IL22RA1: variants seen among roughly 807,000 people sequenced by gnomAD.
IL22RA1 encodes the protein interleukin-22 receptor subunit alpha-1.
Under a neutral mutation model 32.8 loss-of-function variants are expected in IL22RA1, and 25 were observed. That is an observed-to-expected ratio of 0.76 (90% CI 0.55 to 1.06). IL22RA1 has a LOEUF of 1.06. Ranked by LOEUF, IL22RA1 falls within the 50% of genes least tolerant of loss-of-function variation. The pLI is 0.00. For synonymous variants in IL22RA1, 305 were observed against 305.0 expected (o/e 1.00, Z 0.00); for missense variants, 709 against 727.4 (o/e 0.97, Z 0.29).
chr1:24,123,025 T>A (rs1356570536), intron 6 of IL22RA1, among the ~76,000 whole-genome samples: 1 of 152,136 alleles, frequency 6.6e-6, no homozygotes, highest in Non-Finnish European at 1.5e-5. Context: ...CTCACTCAAG[T>A]CCCACACTAC....
intron 1 of IL22RA1, among the ~76,000 whole-genome samples, chr1:24,140,348 T>A (rs1351593934): frequency 6.6e-6 from 1 of 152,070 alleles, no homozygotes; most frequent in Non-Finnish European, 1.5e-5. Context: ...TATGTACATG[T>A]GTTGAGTCTG....
intron 5 of IL22RA1, among the ~76,000 whole-genome samples, chr1:24,125,976 A>G (rs1644158575): frequency 6.6e-6 from 1 of 152,198 alleles, no homozygotes; most frequent in African/African-American, 2.4e-5. Flanking sequence ...AAAAAATGGT[A>G]TCTCATTATA....
In IL22RA1 at chr1:24,120,647, T is replaced by C; in HGVS notation, c.*158A>G. ...TTTGCTCCGGTGAGGAGCGCACCCA[T>C]GGCAGGGGCCCTGCATGCCACTCCC... On this transcript the variant is annotated 3_prime_UTR_variant, in exon 7 of 7. Coordinates refer to ENST00000270800, the MANE Select transcript of IL22RA1 (RefSeq NM_021258.4). 1.5e-6 allele frequency: 1 copy of C among 686,476 alleles called. No individual in the cohort carries two copies. The highest frequency in any genetic ancestry group is 2.1e-5 in the South Asian group (1 of 46,742). The allele number at this position is 686,476 out of a possible 1,614,324, so 42.5% of individuals were successfully genotyped here.
At chr1:24,129,170 C>T (rs377386378) in intron 4 of IL22RA1, among the ~76,000 whole-genome samples, 3 of 152,360 alleles carry the variant, frequency 2.0e-5, no homozygotes, top group South Asian at 4.1e-4. Context: ...CTCCTCCTAC[C>T]TCTCTGACTG....
At chr1:24,128,401 C>G (rs758996710) in intron 4 of IL22RA1, 122 bp from the exon 5 acceptor site, 30 of 1,170,872 alleles carry the variant, frequency 2.6e-5, no homozygotes, top group Non-Finnish European at 3.6e-5. Flanking sequence ...TCTTCAGCCT[C>G]TGTTTCCATT....
Position 24,128,299 on chromosome 1 carries a change from G to C in IL22RA1, c.532-20C>G. ...AAGGTGCTGAATTGGACAGAGAATGGAATGTGATTCCTGTTACACACCGAT... is the reference window on the plus strand; with the variant it reads ...AAGGTGCTGAATTGGACAGAGAATGCAATGTGATTCCTGTTACACACCGAT... On this transcript the variant is annotated intron_variant, in intron 4 of 6. Transcript: ENST00000270800. The C allele has an allele frequency of 6.2e-7, 1 of 1,612,822 alleles. No individual in the cohort carries two copies. Among genetic ancestry groups the C allele is most frequent in the Non-Finnish European group, 8.5e-7 (1 of 1,179,428 alleles).
intron 4 of IL22RA1, among the ~76,000 whole-genome samples, chr1:24,130,080 A>G (rs1056925408): frequency 1.3e-5 from 2 of 152,252 alleles, no homozygotes; most frequent in Non-Finnish European, 2.9e-5. Flanking sequence ...CAAAATAACA[A>G]CTATAAATTC....
chr1:24,140,378 G>A (rs1222772671), intron 1 of IL22RA1, among the ~76,000 whole-genome samples: 1 of 152,206 alleles, frequency 6.6e-6, no homozygotes, highest in Non-Finnish European at 1.5e-5. Flanking sequence ...GACCTGGGAA[G>A]GGAAGACATT....
intron 1 of IL22RA1, among the ~76,000 whole-genome samples, chr1:24,142,185 G>T (rs926602786): frequency 6.6e-6 from 1 of 152,184 alleles, no homozygotes; most frequent in Non-Finnish European, 1.5e-5. Flanking sequence ...CCCTGGAGAC[G>T]CAGGCAGCCC....
chr1:24,123,455 G>T (rs113856820), intron 5 of IL22RA1, 32 bp from the exon 6 acceptor site: 1 of 1,605,566 alleles, frequency 6.2e-7, no homozygotes, highest in Non-Finnish European at 8.5e-7. Flanking sequence ...AGAAGGAAGC[G>T]TGAGGCTGGG....
chr1:24,125,182 C>A (rs895612023), intron 5 of IL22RA1, among the ~76,000 whole-genome samples: 9 of 152,160 alleles, frequency 5.9e-5, no homozygotes, highest in African/African-American at 1.7e-4. Flanking sequence ...GGGTGCTCTA[C>A]CTATGTTATC....
chr1:24,139,649 T>C (rs2148576257), intron 1 of IL22RA1, among the ~76,000 whole-genome samples: 1 of 152,326 alleles, frequency 6.6e-6, no homozygotes, highest in South Asian at 2.1e-4. Context: ...TCCTCGCACC[T>C]CAGCCTCCTG....
chr1:24,124,582 C>A (rs1486088464), intron 5 of IL22RA1, among the ~76,000 whole-genome samples: 2 of 152,106 alleles, frequency 1.3e-5, no homozygotes, highest in Non-Finnish European at 2.9e-5. Context: ...AAGACCCCTG[C>A]AGTCCAGGGG....
intron 3 of IL22RA1, among the ~76,000 whole-genome samples, chr1:24,136,555 G>A (rs375649439): frequency 6.8e-4 from 103 of 152,296 alleles, no homozygotes; most frequent in African/African-American, 2.3e-3. Context: ...AACCAGTCAT[G>A]TGAAGAGCTC....
chr1:24,125,813 AG>A (rs773655432), intron 5 of IL22RA1, among the ~76,000 whole-genome samples: 5 of 152,256 alleles, frequency 3.3e-5, no homozygotes, highest in Non-Finnish European at 7.3e-5. Context: ...ATATATGTAA[AG>A]CATTTGGCAC....
At chr1:24,123,186 G>A in intron 6 of IL22RA1, 116 bp downstream of exon 6, 4 of 1,387,726 alleles carry the variant, frequency 2.9e-6, no homozygotes, top group Non-Finnish European at 3.9e-6. Context: ...TGAATGGAGA[G>A]AGCAGGCCCA....
intron 6 of IL22RA1, 116 bp from the exon 7 acceptor site, chr1:24,121,853 A>T (rs2148569135): frequency 1.4e-6 from 1 of 735,430 alleles, no homozygotes; most frequent in Non-Finnish European, 2.1e-6. Flanking sequence ...CTTTTTCAAG[A>T]TGCGTCTGTC....
chr1:24,121,845 T>G (rs1370792015), intron 6 of IL22RA1, 108 bp from the exon 7 acceptor site: 3 of 802,614 alleles, frequency 3.7e-6, no homozygotes, highest in African/African-American at 3.5e-5. Flanking sequence ...TCTGGGGGCT[T>G]TTTCAAGATG....
chr1:24,133,930 T>C (rs1476715935), intron 4 of IL22RA1, among the ~76,000 whole-genome samples: 1 of 151,648 alleles, frequency 6.6e-6, no homozygotes, highest in Non-Finnish European at 1.5e-5. Flanking sequence ...TAAAAATAAA[T>C]AAATAAAAAA....
Sources: allele counts gnomAD v4.1 joint callset (sites outside exome capture counted in the v4.1 genomes callset), GRCh38; gene constraint gnomAD v4.1.1; transcripts MANE v1.5; gene names NCBI Gene and HGNC (gene_info 2026-07-23, HGNC 2026-07-21).